CSMD3: variants seen among roughly 807,000 people sequenced by gnomAD.
CSMD3 encodes CUB and Sushi multiple domains 3.
CSMD3 carries 177 observed loss-of-function variants against 435.2 expected under a neutral mutation model. The observed-to-expected ratio is 0.41, with a 90% confidence interval of 0.36 to 0.46. The LOEUF is 0.46. Among genes scored for constraint, CSMD3 ranks in the 20% least tolerant of loss-of-function variants. The pLI is 0.34. For missense variants in CSMD3, 4,265 were observed against 4,504.6 expected, an observed-to-expected ratio of 0.95 and a Z score of 1.52; for synonymous variants, 1,656 against 1,520.5, an observed-to-expected ratio of 1.09 and a Z score of -2.07.
chr8:112,497,920 G>C (rs565031960), intron 30 of CSMD3, among the ~76,000 whole-genome samples: 1 of 152,044 alleles, frequency 6.6e-6, no homozygotes, highest in Admixed American at 6.6e-5. Flanking sequence ...TAATGAGATT[G>C]GATCTCGAGA....
intron 24 of CSMD3, among the ~76,000 whole-genome samples, chr8:112,562,539 G>C (rs896930589): frequency 2.0e-5 from 3 of 151,218 alleles, no homozygotes; most frequent in Non-Finnish European, 4.4e-5. Flanking sequence ...AATTGGGAAA[G>C]TATGTTAGCT....
chr8:113,052,103 T>C (rs2088121759), intron 5 of CSMD3, among the ~76,000 whole-genome samples: 1 of 152,236 alleles, frequency 6.6e-6, no homozygotes, highest in Non-Finnish European at 1.5e-5. Flanking sequence ...TACATGTAGT[T>C]ACATATTTAA....
At chr8:112,860,148 C>T (rs1030218956) in intron 10 of CSMD3, among the ~76,000 whole-genome samples, 11 of 151,858 alleles carry the variant, frequency 7.2e-5, no homozygotes, top group African/African-American at 2.4e-4. Flanking sequence ...TTCTAGTATA[C>T]AGTAGTCAGA....
intron 3 of CSMD3, among the ~76,000 whole-genome samples, chr8:113,240,135 A>G (rs1295908515): frequency 6.6e-6 from 1 of 152,074 alleles, no homozygotes; most frequent in Non-Finnish European, 1.5e-5. Context: ...TTAGTTTGCT[A>G]AAGATAATGG....
At chr8:112,479,833 C>T (rs1220155185) in intron 31 of CSMD3, among the ~76,000 whole-genome samples, 1 of 152,204 alleles carries the variant, frequency 6.6e-6, no homozygotes, top group African/African-American at 2.4e-5. Context: ...AGAAACTCTA[C>T]TAGTGCAATG....
At chr8:112,585,124 A>T (rs1356027301) in intron 23 of CSMD3, among the ~76,000 whole-genome samples, 2 of 151,626 alleles carry the variant, frequency 1.3e-5, no homozygotes, top group African/African-American at 2.4e-5. Flanking sequence ...CAAATAAGGA[A>T]TCTAAAAGTT....
intron 37 of CSMD3, 84 bp downstream of exon 37, chr8:112,383,483 A>T (rs1483231278): frequency 1.6e-5 from 12 of 772,086 alleles, no homozygotes; most frequent in Non-Finnish European, 2.5e-5. Context: ...AAAACTACCA[A>T]GTAAGAGTTG....
chr8:112,931,037 T>G (rs1372620141), intron 9 of CSMD3, among the ~76,000 whole-genome samples: 1 of 152,150 alleles, frequency 6.6e-6, no homozygotes, highest in Non-Finnish European at 1.5e-5. Flanking sequence ...CTGAGAAAAA[T>G]TTTGAGTAGA....
chr8:112,700,423 C>T (rs2076364399), intron 13 of CSMD3, among the ~76,000 whole-genome samples: 1 of 152,248 alleles, frequency 6.6e-6, no homozygotes, highest in African/African-American at 2.4e-5. Context: ...ATCGCTTGAA[C>T]CCAGGAGGCA....
intron 70 of CSMD3, among the ~76,000 whole-genome samples, chr8:112,227,326 T>C (rs568801988): frequency 5.9e-5 from 9 of 152,334 alleles, no homozygotes; most frequent in East Asian, 1.9e-4. Flanking sequence ...ATGTCACATA[T>C]TGTATGATTC....
intron 38 of CSMD3, among the ~76,000 whole-genome samples, chr8:112,367,447 A>C (rs1489971417): frequency 6.6e-6 from 1 of 152,208 alleles, no homozygotes; most frequent in Non-Finnish European, 1.5e-5. Context: ...AATTAAAGCA[A>C]AACTGTTATC....
At position 112,247,128 on chromosome 8, in the gene CSMD3, C is replaced by CAT; in HGVS notation, c.10113_10114insAT (p.Gly3372MetfsTer53). On this transcript the variant is annotated frameshift_variant, in exon 64 of 71. Coordinates refer to ENST00000297405, the MANE Select transcript of CSMD3 (RefSeq NM_198123.2). LOFTEE classifies it high-confidence loss of function. ...TTGCAATGGAACTGTACAACACTTC[C>CAT]TACCTATAGCAAATTAAAGAGAGGA... 6.2e-7 allele frequency: 1 copy of CAT among 1,604,672 alleles called. No homozygotes were observed. Among genetic ancestry groups the CAT allele is most frequent in the Non-Finnish European group, 8.5e-7 (1 of 1,171,794 alleles).
intron 32 of CSMD3, among the ~76,000 whole-genome samples, chr8:112,459,489 C>T (rs1475804314): frequency 4.6e-5 from 7 of 151,908 alleles, no homozygotes; most frequent in Admixed American, 3.9e-4. Flanking sequence ...AATTATGGAG[C>T]AATTTTAGAG....
intron 32 of CSMD3, among the ~76,000 whole-genome samples, chr8:112,411,420 A>G (rs1811337298): frequency 6.6e-6 from 1 of 151,964 alleles, no homozygotes; most frequent in Admixed American, 6.6e-5. Context: ...TGAGCAAGCC[A>G]CTTTTCTTTA....
In CSMD3 at chr8:112,291,566, G is replaced by A. The variant is rs1247152300; in HGVS notation, c.8918C>T (p.Ser2973Leu). ...CNPGYFLFGS[S>L]VLICQPNGQW... ...TCCATTTGGTTGACATATCAAAACT[G>A]AAGATCCAAATAAAAAATATCCAGG... The change falls in exon 56 of 71, where the codon TCA (serine) becomes TTA (leucine). Residue 2973 changes from serine to leucine, a missense_variant. Ser to Leu is a moderately radical substitution (Grantham distance 145). Around this residue, in one of 3 missense-constraint regions of CSMD3, gnomAD observed 3,255 missense variants for 3,380.2 expected, o/e 0.96. Transcript: ENST00000297405. 1 of 1,611,570 alleles carries A rather than the reference G, an allele frequency of 6.2e-7. No homozygotes were observed. Among genetic ancestry groups the A allele is most frequent in the Non-Finnish European group, 8.5e-7 (1 of 1,178,258 alleles).
intron 47 of CSMD3, 34 bp from the exon 48 acceptor site, chr8:112,314,651 T>C (rs889601824): frequency 4.8e-6 from 7 of 1,459,584 alleles, no homozygotes; most frequent in Non-Finnish European, 5.8e-6. Context: ...ATAATGCCAG[T>C]CTTTTAGAGC....
intron 29 of CSMD3, among the ~76,000 whole-genome samples, chr8:112,506,107 T>C (rs1822482739): frequency 6.6e-6 from 1 of 152,120 alleles, no homozygotes; most frequent in African/African-American, 2.4e-5. Context: ...ATCATTGTTG[T>C]TGCTTTGGTA....
At chr8:113,122,788 T>C (rs750642734) in intron 4 of CSMD3, among the ~76,000 whole-genome samples, 4 of 152,078 alleles carry the variant, frequency 2.6e-5, no homozygotes, top group Non-Finnish European at 5.9e-5. Context: ...ACCTACAAAA[T>C]TGTAAGATAA....
Position 112,517,220 on chromosome 8 carries a change from C to A in CSMD3, c.4570G>T (p.Val1524Phe). ...SGFAIQFSSS[V>F]ATACRDPGVP... is the part of the protein sequence containing the mutation. ...CCTGGGTCACGACACGCAGTGGCAA[C>A]AGAACCTATCAAAAGACAGAGACAA... is the stretch of plus-strand genomic sequence containing the variant. The change falls in exon 28 of 71, where the codon GTT becomes TTT. Residue 1524 changes from valine (V) to phenylalanine (F), a missense_variant. By Grantham distance (50) the Val-to-Phe change is conservative. This residue lies in a region of CSMD3 where 3,255 missense variants were observed against 3,380.2 expected (regional missense o/e 0.96). Transcript: ENST00000297405. 1 of 1,613,042 alleles carries A rather than the reference C, an allele frequency of 6.2e-7. No individual in the cohort carries two copies.
Sources: gnomAD v4.1 joint callset for allele counts (sites outside exome capture counted in the v4.1 genomes callset) on GRCh38, gnomAD v4.1.1 for gene constraint, gnomAD v4.1.1 regional missense constraint, MANE v1.5 for transcripts, NCBI Gene and HGNC (gene_info 2026-07-23, HGNC 2026-07-21) for gene names.